Variants in CARS1 observed in about 807,000 individuals in gnomAD.
The protein encoded by CARS1 is cysteine--tRNA ligase, cytoplasmic.
In CARS1, 48 loss-of-function variants were observed where a neutral mutation model predicts 106.2. That is an observed-to-expected ratio of 0.45 (90% CI 0.36 to 0.57). The LOEUF (loss-of-function observed/expected upper bound fraction) is 0.57, where lower values mean the gene tolerates loss of function less well. Among genes scored for constraint, CARS1 ranks in the 20% least tolerant of loss-of-function variants. The pLI is 0.00. For missense variants in CARS1, 968 were observed against 1,057.2 expected (o/e 0.92, Z 1.17); for synonymous variants, 409 against 403.4 (o/e 1.01, Z -0.17).
intron 2 of CARS1, among the ~76,000 whole-genome samples, 158 bp downstream of exon 2, chr11:3,047,595 C>A (rs887798334): frequency 6.6e-5 from 10 of 152,220 alleles, no homozygotes; most frequent in Non-Finnish European, 1.5e-4. Context: ...ATCCAGCAAG[C>A]GCTGCATCTG....
In CARS1 at chr11:3,019,365, A is replaced by C. The variant is rs1389920482; in HGVS notation, c.1267-98T>G. ...AGTTGATGGCCCTTACATCCTCTGAACTTTATTGGAACAAGCGTTAAATCC... is the reference window on the plus strand; with the variant it reads ...AGTTGATGGCCCTTACATCCTCTGACCTTTATTGGAACAAGCGTTAAATCC... On this transcript the variant is annotated intron_variant, in intron 11 of 22. Coordinates refer to ENST00000380525, the MANE Select transcript of CARS1 (RefSeq NM_001014437.3). The surrounding 1 kb of genome is among the most constrained non-coding windows in gnomAD (Gnocchi z 6.2). 3.2e-6 allele frequency: 4 copies of C among 1,251,082 alleles called. No homozygotes were observed. The highest frequency in any genetic ancestry group is 3.1e-5 in the African/African-American group (2 of 65,184). 77.5% of individuals were successfully genotyped at this position (1,251,082 alleles called of 1,614,324 possible).
chr11:3,033,828 G>A (rs1304195558), intron 7 of CARS1, among the ~76,000 whole-genome samples: 1 of 152,206 alleles, frequency 6.6e-6, no homozygotes, highest in Non-Finnish European at 1.5e-5. Flanking sequence ...ACAAGCTGAG[G>A]CTTCAAAACA....
intron 21 of CARS1, 23 bp downstream of exon 21, chr11:3,002,518 C>T (rs1701813417): frequency 6.2e-7 from 1 of 1,613,554 alleles, no homozygotes; most frequent in Non-Finnish European, 8.5e-7. Context: ...GTAGAGCCCT[C>T]ACCCCCAAAC....
intron 1 of CARS1, among the ~76,000 whole-genome samples, chr11:3,051,092 C>A (rs2134310637): frequency 6.6e-6 from 1 of 152,362 alleles, no homozygotes; most frequent in East Asian, 1.9e-4. Context: ...GCCTCATGCA[C>A]CCTTCTCAGA....
Position 3,029,559 on chromosome 11 carries a change from G to C in CARS1, c.802-116C>G. 9.0e-7 allele frequency: 1 copy of C among 1,111,626 alleles called. No homozygotes were observed. Among genetic ancestry groups the C allele is most frequent in the Non-Finnish European group, 1.3e-6 (1 of 779,958 alleles). 68.9% of individuals were successfully genotyped at this position (1,111,626 alleles called of 1,614,324 possible). On this transcript the variant is annotated intron_variant, in intron 7 of 22. Coordinates refer to ENST00000380525, the MANE Select transcript of CARS1 (RefSeq NM_001014437.3). The surrounding 1 kb of genome is among the most constrained non-coding windows in gnomAD (Gnocchi z 5.9). ...AATTCAAAGGTGCTGACCTTGACCT[G>C]TGAAGAGCCACCGTCTCCTAGGGAG... is the stretch of plus-strand genomic sequence containing the variant.
chr11:3,027,982 C>A (rs1462418532), intron 9 of CARS1: 1 of 405,342 alleles, frequency 2.5e-6, no homozygotes, highest in African/African-American at 2.0e-5. Flanking sequence ...GCCTAACCGT[C>A]TCCCTGTGAT....
In CARS1 at chr11:3,028,884, GC is replaced by G; in HGVS notation, c.1031+111del. 1.3e-6 allele frequency: 1 copy of G among 769,716 alleles called. No homozygotes were observed. The highest frequency in any genetic ancestry group is 2.3e-6 in the Non-Finnish European group (1 of 439,648). The allele number at this position is 769,716 out of a possible 1,614,324, so 47.7% of individuals were successfully genotyped here. ...GTCTGCTGGGACTTCTAGCTACGCA[GC>G]CCCAGAACACCTGCTCCTCTGCTTC... On this transcript the variant is annotated intron_variant, in intron 9 of 22. Coordinates refer to ENST00000380525, the MANE Select transcript of CARS1 (RefSeq NM_001014437.3). The surrounding 1 kb of genome is among the most constrained non-coding windows in gnomAD (Gnocchi z 4.4).
At position 3,020,590 on chromosome 11, in the gene CARS1, G is replaced by C. The variant is rs1851483908; in HGVS notation, c.1154-258C>G. On this transcript the variant is annotated intron_variant, in intron 10 of 22. Transcript: ENST00000380525. The surrounding 1 kb of genome is among the most constrained non-coding windows in gnomAD (Gnocchi z 4.6). ...CTGGCTGACTTGAGGCCACATCTGGGGTCTCCGTAAGACATTCACCTTCCT... is the reference window on the plus strand; with the variant it reads ...CTGGCTGACTTGAGGCCACATCTGGCGTCTCCGTAAGACATTCACCTTCCT... Among the ~76,000 whole-genome samples the C allele has an allele frequency of 6.6e-6, 1 of 152,144 alleles. No individual in the cohort carries two copies.
chr11:3,026,783 C>G lies in CARS1; in HGVS notation c.1046G>C (p.Gly349Ala), dbSNP rs1852124166. 6.2e-7 allele frequency: 1 copy of G among 1,611,958 alleles called. No individual in the cohort carries two copies. The highest frequency in any genetic ancestry group is 2.2e-5 in the East Asian group (1 of 44,830). The change falls in exon 10 of 23, where the codon GGG (glycine) becomes GCG (alanine). Residue 349 changes from glycine (G) to alanine (A), a missense_variant. Gly to Ala is a moderately conservative substitution (Grantham distance 60). Transcript: ENST00000380525. ...VDNGYGYVSN[G>A]SVYFDTAKFA... ...CTTCGCTGTATCAAAGTAGACAGAC[C>G]CATTGGAGACATAGCTGGAAAACAG... is the stretch of plus-strand genomic sequence containing the variant.
At chr11:3,010,314 G>A (rs968427996) in intron 18 of CARS1, among the ~76,000 whole-genome samples, 1 of 152,164 alleles carries the variant, frequency 6.6e-6, no homozygotes, top group Non-Finnish European at 1.5e-5. Flanking sequence ...GCCCGGGCTC[G>A]GCCTTCGATG....
Position 3,017,386 on chromosome 11 carries a change from T to C in CARS1, c.1728-91A>G. ...GGCCAGGCGCAGTGGCTCACGCCTA[T>C]AATCCCAGCACTTTGGGAGGCTGAG... On this transcript the variant is annotated intron_variant, in intron 15 of 22. Coordinates refer to ENST00000380525, the MANE Select transcript of CARS1 (RefSeq NM_001014437.3). The surrounding 1 kb of genome is among the most constrained non-coding windows in gnomAD (Gnocchi z 4.9). 1.7e-6 allele frequency: 2 copies of C among 1,170,180 alleles called. No homozygotes were observed. The highest frequency in any genetic ancestry group is 2.5e-6 in the Non-Finnish European group (2 of 806,464). The allele number at this position is 1,170,180 out of a possible 1,614,324, so 72.5% of individuals were successfully genotyped here. A position where few individuals can be genotyped will look rare whatever the true frequency, so the allele number is the denominator to read the frequency against.
At chr11:3,042,354 A>G in intron 2 of CARS1, 98 bp from the exon 3 acceptor site, 1 of 762,992 alleles carries the variant, frequency 1.3e-6, no homozygotes, top group Non-Finnish European at 2.2e-6. Context: ...ACGGGACCAT[A>G]GTTTTCCATG....
At chr11:3,027,878 C>G in intron 9 of CARS1, 1 of 453,946 alleles carries the variant, frequency 2.2e-6, no homozygotes, top group South Asian at 1.6e-5. Context: ...GAAAGGGAGT[C>G]TCCCTTGCCC....
At chr11:3,023,923 T>G (rs948413045) in intron 10 of CARS1, among the ~76,000 whole-genome samples, 1 of 152,196 alleles carries the variant, frequency 6.6e-6, no homozygotes, top group Non-Finnish European at 1.5e-5. Context: ...GATGGACTCT[T>G]GCTCTGTCAC....
chr11:3,054,258 C>G (rs570300844), intron 1 of CARS1, among the ~76,000 whole-genome samples: 1 of 152,218 alleles, frequency 6.6e-6, no homozygotes. Flanking sequence ...CCCCCAAGAA[C>G]AGCATCTCCA....
chr11:3,029,728 G>A lies in CARS1; in HGVS notation c.802-285C>T. ...AGGTGGGAGGGCCGAGGTGGGCCTG[G>A]TGAGCATGTGCAGCCTACCTGGGCC... is the stretch of plus-strand genomic sequence containing the variant. On this transcript the variant is annotated intron_variant, in intron 7 of 22. Coordinates refer to ENST00000380525, the MANE Select transcript of CARS1 (RefSeq NM_001014437.3). This position sits in a 1 kb window ranked among gnomAD's most constrained non-coding sequence, Gnocchi z 5.9. 1 of 474,008 alleles carries A rather than the reference G, an allele frequency of 2.1e-6. No individual in the cohort carries two copies. The highest frequency in any genetic ancestry group is 3.5e-5 in the East Asian group (1 of 28,846). The allele number at this position is 474,008 out of a possible 1,614,324, so 29.4% of individuals were successfully genotyped here. A position where few individuals can be genotyped will look rare whatever the true frequency, so the allele number is the denominator to read the frequency against.
At position 3,003,811 on chromosome 11, in the gene CARS1, G is replaced by A. The variant is rs1439940184; in HGVS notation, c.2218-1211C>T. 6.6e-6 allele frequency among the ~76,000 whole-genome samples: 1 copy of A among 152,142 alleles called. No homozygotes were observed. Among genetic ancestry groups the A allele is most frequent in the Non-Finnish European group, 1.5e-5 (1 of 68,032 alleles). On this transcript the variant is annotated intron_variant, in intron 20 of 22. Transcript: ENST00000380525. The surrounding 1 kb of genome is among the most constrained non-coding windows in gnomAD (Gnocchi z 4.8). ...TGCTGGTGGGAATGGTACAGGGAGA[G>A]GCAGGACCCCTCCCCCATGGTGCCT...
Position 3,020,187 on chromosome 11 carries a change from C to A in CARS1, c.1266+33G>T, listed in dbSNP as rs1172767640. Reference sequence around the variant, plus strand: ...GTGTGGCTGGCGCCAGTGCCCCTGTCCAAGCCCCACACCTTCTAGGCCACT... The same window carrying A: ...GTGTGGCTGGCGCCAGTGCCCCTGTACAAGCCCCACACCTTCTAGGCCACT... On this transcript the variant is annotated intron_variant, in intron 11 of 22. Transcript: ENST00000380525. This position sits in a 1 kb window ranked among gnomAD's most constrained non-coding sequence, Gnocchi z 4.6. 2 of 1,324,332 alleles carry A rather than the reference C, an allele frequency of 1.5e-6. No homozygotes were observed. Among genetic ancestry groups the A allele is most frequent in the African/African-American group, 1.4e-5 (1 of 69,350 alleles). 82.0% of individuals were successfully genotyped at this position (1,324,332 alleles called of 1,614,324 possible).
chr11:3,002,186 G>A, intron 21 of CARS1, 133 bp from the exon 22 acceptor site: 1 of 714,522 alleles, frequency 1.4e-6, no homozygotes, highest in Non-Finnish European at 2.5e-6. Context: ...TATGAAAGAT[G>A]GGAAGGGGAA....
Sources: gnomAD v4.1 joint callset for allele counts (sites outside exome capture counted in the v4.1 genomes callset) on GRCh38, gnomAD v4.1.1 for gene constraint, Gnocchi (gnomAD v3.1) non-coding constraint, MANE v1.5 for transcripts, NCBI Gene and HGNC (gene_info 2026-07-23, HGNC 2026-07-21) for gene names.